SOAT2: variants seen among roughly 807,000 people sequenced by gnomAD.
SOAT2 encodes sterol O-acyltransferase 2.
A neutral mutation model predicts 76.0 loss-of-function variants in SOAT2; 87 were observed. The ratio of observed to expected loss-of-function variants is 1.14; its 90% CI spans 0.96 to 1.37. The LOEUF (loss-of-function observed/expected upper bound fraction) is 1.37, where lower values mean the gene tolerates loss of function less well. Ranked by LOEUF, SOAT2 falls within the 40% of genes most tolerant of loss-of-function variation. SOAT2 has a pLI of 0.00. For missense variants in SOAT2, 686 were observed against 682.1 expected, an observed-to-expected ratio of 1.01 and a Z score of -0.06; for synonymous variants, 285 against 275.4, an observed-to-expected ratio of 1.03 and a Z score of -0.34.
chr12:53,114,877 C>T (rs994210360), intron 5 of SOAT2, among the ~76,000 whole-genome samples: 1 of 152,162 alleles, frequency 6.6e-6, no homozygotes, highest in East Asian at 1.9e-4. Context: ...TTTTAGGGAT[C>T]TTTTCATGTT....
At chr12:53,123,309 G>A (rs1377960383) in intron 13 of SOAT2, 93 bp downstream of exon 13, 34 of 1,497,072 alleles carry the variant, frequency 2.3e-5, no homozygotes, top group African/African-American at 4.2e-5. Context: ...GGGAGGCCTC[G>A]CCCCCAGGCC....
At position 53,124,386 on chromosome 12, in the gene SOAT2, ACTGT is replaced by A. The variant is rs1372964404; in HGVS notation, c.*266_*269del. On this transcript the variant is annotated 3_prime_UTR_variant, in exon 15 of 15. Coordinates refer to ENST00000301466, the MANE Select transcript of SOAT2 (RefSeq NM_003578.4). ...GTACAGGATATCCTCCTACCCCATG[ACTGT>A]CTTAGGGAGACTTGGGGTACCTTAT... The A allele has an allele frequency of 1.8e-6, 1 of 557,290 alleles. No homozygotes were observed. Among genetic ancestry groups the A allele is most frequent in the African/African-American group, 1.9e-5 (1 of 53,178 alleles). The allele number at this position is 557,290 out of a possible 1,614,324, so 34.5% of individuals were successfully genotyped here.
At chr12:53,120,912 G>A (rs1310096888) in intron 11 of SOAT2, 29 bp downstream of exon 11, 1 of 1,556,698 alleles carries the variant, frequency 6.4e-7, no homozygotes, top group East Asian at 2.2e-5. Flanking sequence ...CCAGTTGGAA[G>A]CTGGAGATAG....
At chr12:53,105,871 C>A in intron 4 of SOAT2, 36 bp from the exon 5 acceptor site, 1 of 1,227,408 alleles carries the variant, frequency 8.1e-7, no homozygotes, top group Non-Finnish European at 1.1e-6. Context: ...CCCTGAGGAC[C>A]CTCCCACACT....
At chr12:53,119,102 T>C (rs901546850) in intron 9 of SOAT2, 22 bp from the exon 10 acceptor site, 1 of 1,613,638 alleles carries the variant, frequency 6.2e-7, no homozygotes, top group African/African-American at 1.3e-5. Context: ...TCTCCAGTTA[T>C]GTGTCCCCAT....
chr12:53,104,081 C>G, intron 1 of SOAT2, 70 bp from the exon 2 acceptor site: 3 of 1,310,974 alleles, frequency 2.3e-6, no homozygotes, highest in East Asian at 2.3e-5. Context: ...ATTTCCTGAC[C>G]ACAGGATGCC....
chr12:53,123,768 G>A lies in SOAT2; in HGVS notation c.1413G>A (p.Pro471=), dbSNP rs55773507. The A allele has an allele frequency of 0.033, 53,507 of 1,614,118 alleles. 1,169 individuals carry two copies. Among genetic ancestry groups the A allele is most frequent in the Non-Finnish European group, 0.041 (47,988 of 1,180,014 alleles). The change falls in exon 14 of 15, where the codon CCG becomes CCA. Residue 471 remains proline, a synonymous_variant. Coordinates refer to ENST00000301466, the MANE Select transcript of SOAT2 (RefSeq NM_003578.4). ...TGATGCATGACCAGCGCACCGGCCC[G>A]GCATGGAACGTGCTGATGTGGACCA... ...NFMMHDQRTG[P]AWNVLMWTML... is the part of the protein sequence containing the mutation.
chr12:53,106,496 A>G (rs575284296), intron 5 of SOAT2, among the ~76,000 whole-genome samples: 2 of 152,328 alleles, frequency 1.3e-5, no homozygotes, highest in East Asian at 1.9e-4. Flanking sequence ...AGAGCACCCC[A>G]TCCAACTGTG....
At position 53,121,396 on chromosome 12, in the gene SOAT2, C is replaced by T. The variant is rs1290896495; in HGVS notation, c.1231C>T (p.Leu411=). ...WLYSYVYQDG[L]RLLGARARGV... ...GTACAGCTACGTGTATCAGGATGGGCTGCGGGTATGGGCCCTGCAGACCCC... is the reference window on the plus strand; with the variant it reads ...GTACAGCTACGTGTATCAGGATGGGTTGCGGGTATGGGCCCTGCAGACCCC... Residue 411 remains leucine (L), a synonymous_variant, in exon 12 of 15, where the codon CTG becomes TTG. Transcript: ENST00000301466. 3 of 1,613,496 alleles carry T rather than the reference C, an allele frequency of 1.9e-6. No individual in the cohort carries two copies. The highest frequency in any genetic ancestry group is 1.3e-5 in the African/African-American group (1 of 74,894).
At position 53,118,947 on chromosome 12, in the gene SOAT2, G is replaced by A. The variant is rs1440470039; in HGVS notation, c.909+12G>A. 1.9e-6 allele frequency: 3 copies of A among 1,613,894 alleles called. No homozygotes were observed. Among genetic ancestry groups the A allele is most frequent in the African/African-American group, 2.7e-5 (2 of 74,878 alleles). On this transcript the variant is annotated intron_variant, in intron 9 of 14. Transcript: ENST00000301466. ...AGAACTTTGCCCAGGTGAGAAGATA[G>A]GGTAGAAGGGTGGACCTGTGACTCA...
At chr12:53,106,097 A>ACTG in intron 5 of SOAT2, 83 bp downstream of exon 5, 2 of 903,650 alleles carry the variant, frequency 2.2e-6, no homozygotes, top group Non-Finnish European at 3.5e-6. Context: ...CCCTTGGGGC[A>ACTG]AGAGGACACA....
At position 53,105,937 on chromosome 12, in the gene SOAT2, C is replaced by T; in HGVS notation, c.366C>T (p.Thr122=). ...TGATGGAGGTGCAGCATTTCCGCACCATCTACCACATGTTCATCGCTGGCC... is the reference window on the plus strand; with the variant it reads ...TGATGGAGGTGCAGCATTTCCGCACTATCTACCACATGTTCATCGCTGGCC... The part of the protein sequence containing the change: ...DELMEVQHFR[T]IYHMFIAGLC... Residue 122 remains threonine, a synonymous_variant, in exon 5 of 15, where the codon ACC becomes ACT. Coordinates refer to ENST00000301466, the MANE Select transcript of SOAT2 (RefSeq NM_003578.4). The T allele has an allele frequency of 1.9e-6, 3 of 1,571,940 alleles. No homozygotes were observed. The highest frequency in any genetic ancestry group is 2.6e-6 in the Non-Finnish European group (3 of 1,164,884).
chr12:53,118,940 G>C lies in SOAT2; in HGVS notation c.909+5G>C. The C allele has an allele frequency of 2.5e-6, 4 of 1,614,124 alleles. No individual in the cohort carries two copies. The highest frequency in any genetic ancestry group is 3.4e-6 in the Non-Finnish European group (4 of 1,179,992). On this transcript the variant is annotated splice_donor_5th_base_variant and intron_variant, in intron 9 of 14. Coordinates refer to ENST00000301466, the MANE Select transcript of SOAT2 (RefSeq NM_003578.4). ...GTGGCCAAGAACTTTGCCCAGGTGA[G>C]AAGATAGGGTAGAAGGGTGGACCTG...
intron 12 of SOAT2, 133 bp downstream of exon 12, chr12:53,121,534 T>C (rs1185986996): frequency 7.4e-6 from 5 of 679,932 alleles, no homozygotes; most frequent in Non-Finnish European, 1.3e-5. Flanking sequence ...TGATTTCATC[T>C]GTCCTCATTT....
rs2272296 is a variant in SOAT2, at chr12:53,116,149, C to T, written c.761C>T (p.Thr254Ile). ...TTCCTGAGAGAGGCTGTGCCTGGGA[C>T]CCTTCGTGCCAGACGAGGTGAGGCC... The part of the protein sequence containing the change: ...YSFLREAVPG[T>I]LRARRGEGIQ... Residue 254 changes from threonine to isoleucine, a missense_variant, in exon 7 of 15, where the codon ACC (threonine) becomes ATC (isoleucine). Transcript: ENST00000301466. 273,670 of 1,613,142 alleles carry T rather than the reference C, an allele frequency of 0.17. 26,759 individuals are homozygous for T. The highest frequency in any genetic ancestry group is 0.37 in the African/African-American group (27,702 of 74,910).
intron 8 of SOAT2, 127 bp from the exon 9 acceptor site, chr12:53,118,763 C>T: frequency 2.0e-6 from 2 of 1,012,948 alleles, no homozygotes; most frequent in South Asian, 2.7e-5. Flanking sequence ...CCCCACCACC[C>T]TAGATAATCC....
chr12:53,105,069 G>A (rs1420413193), intron 2 of SOAT2, 38 bp from the exon 3 acceptor site: 36 of 1,548,506 alleles, frequency 2.3e-5, no homozygotes, highest in Middle Eastern at 1.7e-4. Flanking sequence ...ATGGCTGACT[G>A]GAGGGACAGT....
chr12:53,105,317 C>G, intron 3 of SOAT2, 74 bp downstream of exon 3: 1 of 1,521,040 alleles, frequency 6.6e-7, no homozygotes, highest in Non-Finnish European at 8.9e-7. Context: ...GTTATGTGCC[C>G]TTGCCAGCTT....
chr12:53,117,417 A>G (rs1355144042), intron 7 of SOAT2, among the ~76,000 whole-genome samples: 1 of 151,804 alleles, frequency 6.6e-6, no homozygotes, highest in African/African-American at 2.4e-5. Context: ...TAATTTCAAT[A>G]TCGTTGTATC....
Sources: gnomAD v4.1 joint callset for allele counts (sites outside exome capture counted in the v4.1 genomes callset) on GRCh38, gnomAD v4.1.1 for gene constraint, MANE v1.5 for transcripts, NCBI Gene and HGNC (gene_info 2026-07-23, HGNC 2026-07-21) for gene names.